MEIS2: variants seen among roughly 807,000 people sequenced by gnomAD.
MEIS2 encodes Meis homeobox 2, also known as homeobox protein Meis2.
A neutral mutation model predicts 58.6 loss-of-function variants in MEIS2; 9 were observed. The ratio of observed to expected loss-of-function variants is 0.15; its 90% CI spans 0.09 to 0.27. The LOEUF (loss-of-function observed/expected upper bound fraction) is 0.27, where lower values mean the gene tolerates loss of function less well. MEIS2 is among the 10% of genes least tolerant of loss of function. The probability of loss-of-function intolerance (pLI) is 1.00; values close to 1 mark genes in which losing one functional copy is unlikely to be tolerated. For missense variants in MEIS2, 427 were observed against 635.0 expected, an observed-to-expected ratio of 0.67 and a Z score of 3.52; for synonymous variants, 221 against 228.4, an observed-to-expected ratio of 0.97 and a Z score of 0.29.
At chr15:37,021,359 A>C (rs559785174) in intron 8 of MEIS2, among the ~76,000 whole-genome samples, 1 of 152,268 alleles carries the variant, frequency 6.6e-6, no homozygotes, top group East Asian at 1.9e-4. Context: ...TGAGAGAAGA[A>C]TGTTGACTTT....
chr15:36,911,166 C>T (rs1240044279), intron 9 of MEIS2, among the ~76,000 whole-genome samples: 1 of 151,238 alleles, frequency 6.6e-6, no homozygotes, highest in Non-Finnish European at 1.5e-5. Flanking sequence ...ATTTTTCCTA[C>T]TCAATGAAAT....
At chr15:37,065,183 T>C (rs1198292694) in intron 7 of MEIS2, among the ~76,000 whole-genome samples, 1 of 152,118 alleles carries the variant, frequency 6.6e-6, no homozygotes, top group African/African-American at 2.4e-5. Context: ...TAGGTGGCAG[T>C]TTAAGCACTT....
chr15:37,031,431 G>GTGTGTGTGTA (rs1188046518), intron 8 of MEIS2, among the ~76,000 whole-genome samples: 11 of 151,726 alleles, frequency 7.2e-5, no homozygotes, highest in Non-Finnish European at 1.2e-4. Context: ...ATGTGTGTGT[G>GTGTGTGTGTA]TGTGTGTGTG....
At chr15:37,094,391 G>T in intron 5 of MEIS2, 136 bp downstream of exon 5, 1 of 804,430 alleles carries the variant, frequency 1.2e-6, no homozygotes, top group South Asian at 1.9e-5. Flanking sequence ...GAAGCGAGTT[G>T]AAGGATGGAC....
At chr15:37,050,255 T>G (rs1173111186) in intron 7 of MEIS2, among the ~76,000 whole-genome samples, 2 of 152,180 alleles carry the variant, frequency 1.3e-5, no homozygotes, top group Admixed American at 6.5e-5. Flanking sequence ...TGAAAGCTCC[T>G]TCAAGTCAAA....
chr15:37,078,632 A>C (rs1039289881), intron 7 of MEIS2, among the ~76,000 whole-genome samples: 12 of 88,590 alleles, frequency 1.4e-4, no homozygotes, highest in African/African-American at 3.2e-4. Flanking sequence ...AAAAAAAAAA[A>C]CACCAAAAAA....
At chr15:37,070,594 A>T (rs1890570484) in intron 7 of MEIS2, among the ~76,000 whole-genome samples, 1 of 152,114 alleles carries the variant, frequency 6.6e-6, no homozygotes, top group South Asian at 2.1e-4. Flanking sequence ...TTTAACCACA[A>T]AGTTCTTTTT....
intron 8 of MEIS2, among the ~76,000 whole-genome samples, chr15:36,962,713 G>C (rs1431915808): frequency 6.6e-6 from 1 of 152,062 alleles, no homozygotes; most frequent in Non-Finnish European, 1.5e-5. Flanking sequence ...TCATATACAT[G>C]ATTAAAATAT....
intron 8 of MEIS2, among the ~76,000 whole-genome samples, chr15:37,032,220 A>G (rs1358264373): frequency 1.3e-5 from 2 of 152,138 alleles, no homozygotes; most frequent in African/African-American, 4.8e-5. Flanking sequence ...TCAGCCAGAA[A>G]CTGGTATGAG....
intron 8 of MEIS2, among the ~76,000 whole-genome samples, chr15:36,974,930 C>G (rs1389750748): frequency 6.6e-6 from 1 of 152,150 alleles, no homozygotes; most frequent in Admixed American, 6.5e-5. Context: ...AGAGAAGAGT[C>G]GGTCTCATAT....
intron 7 of MEIS2, among the ~76,000 whole-genome samples, chr15:37,045,968 C>T: frequency 6.6e-6 from 1 of 152,172 alleles, no homozygotes; most frequent in East Asian, 1.9e-4. Flanking sequence ...AACACCCTCC[C>T]CCCGGGGTAT....
rs75162890 is a variant in MEIS2 at position 37,021,471 on chromosome 15, G to C, written c.900+15343C>G. Among the ~76,000 whole-genome samples the C allele has an allele frequency of 6.2e-3, 942 of 152,260 alleles. 4 individuals carry two copies. Among genetic ancestry groups the C allele is most frequent in the Middle Eastern group, 0.041 (12 of 294 alleles). On this transcript the variant is annotated intron_variant, in intron 8 of 11. Transcript: ENST00000561208. The stretch of plus-strand genomic sequence containing the variant: ...GAAAACTCCAATATGTATGACAAAG[G>C]CCTGTCTAATATCTTGCCTGTCTCA...
intron 9 of MEIS2, among the ~76,000 whole-genome samples, chr15:36,920,847 C>G (rs1025377708): frequency 1.3e-5 from 2 of 152,160 alleles, no homozygotes; most frequent in East Asian, 3.9e-4. Flanking sequence ...TGTTCTACAT[C>G]CTTTACCTAG....
At chr15:36,948,382 G>A (rs1327053876) in intron 9 of MEIS2, among the ~76,000 whole-genome samples, 2 of 151,870 alleles carry the variant, frequency 1.3e-5, no homozygotes, top group South Asian at 2.1e-4. Context: ...TCTAATTGTG[G>A]GAAATGCTAG....
rs954022315 is a variant in MEIS2, at chr15:36,908,959, T to TAAC, written c.978-12276_978-12274dup. Among the ~76,000 whole-genome samples the TAAC allele has an allele frequency of 8.6e-5, 13 of 152,044 alleles. No individual in the cohort carries two copies. In the South Asian group the frequency reaches 1.0e-3, roughly 12 times the overall value. On this transcript the variant is annotated intron_variant, in intron 9 of 11. Coordinates refer to ENST00000561208, the MANE Select transcript of MEIS2 (RefSeq NM_170675.5). ...CATCTCAAAATAATAATAATAATAA[T>TAAC]AACAAAACAACAACAACAACAAAAC...
intron 9 of MEIS2, among the ~76,000 whole-genome samples, chr15:36,905,069 A>AAC (rs1345387383): frequency 4.6e-5 from 7 of 151,850 alleles, no homozygotes; most frequent in Admixed American, 2.0e-4. Flanking sequence ...CATGCATGGA[A>AAC]ACACACACAC....
intron 8 of MEIS2, among the ~76,000 whole-genome samples, chr15:36,994,671 T>A (rs1033052332): frequency 2.6e-5 from 4 of 152,222 alleles, no homozygotes; most frequent in African/African-American, 9.6e-5. Context: ...ATGTGAAAGG[T>A]TTATATAAAT....
intron 1 of MEIS2, chr15:37,098,416 GA>G (rs1894639973): frequency 7.8e-6 from 9 of 1,153,556 alleles, no homozygotes; most frequent in Middle Eastern, 3.2e-4. Context: ...GAGAGAGAGA[GA>G]GAGAGAGAAA....
rs1232627061 is a variant in MEIS2, at chr15:37,095,882, G to A, written c.388-268C>T. On this transcript the variant is annotated intron_variant, in intron 3 of 11. Transcript: ENST00000561208. ...CTCAGGGCCTCGAGTTCCATATCCAGCAGTCCAAGAGGCTGTGGCTCTCCA... is the reference window on the plus strand; with the variant it reads ...CTCAGGGCCTCGAGTTCCATATCCAACAGTCCAAGAGGCTGTGGCTCTCCA... 7.5e-6 allele frequency: 4 copies of A among 534,894 alleles called. No homozygotes were observed. The East Asian group carries it at 1.0e-4, about 13-fold the overall frequency. 33.1% of individuals were successfully genotyped at this position (534,894 alleles called of 1,614,324 possible). A position where few individuals can be genotyped will look rare whatever the true frequency, so the allele number is the denominator to read the frequency against.
Sources: allele counts gnomAD v4.1 joint callset (sites outside exome capture counted in the v4.1 genomes callset), GRCh38; gene constraint gnomAD v4.1.1; transcripts MANE v1.5; gene names NCBI Gene and HGNC (gene_info 2026-07-23, HGNC 2026-07-21).